The following NUMA1 variants were observed in gnomAD, a reference collection of about 807,000 sequenced individuals.
NUMA1 encodes the protein nuclear mitotic apparatus protein 1, also known as SP-H antigen.
NUMA1 carries 62 observed loss-of-function variants against 237.1 expected under a neutral mutation model. The observed-to-expected ratio is 0.26, with a 90% confidence interval of 0.21 to 0.32. NUMA1 has a LOEUF of 0.32. Among genes scored for constraint, NUMA1 ranks in the 10% least tolerant of loss-of-function variants. NUMA1 has a pLI of 1.00. For missense variants in NUMA1, 2,533 were observed against 2,666.5 expected (o/e 0.95, Z 1.10); for synonymous variants, 1,028 against 1,066.1 (o/e 0.96, Z 0.70).
rs1955553287 is a variant in NUMA1 at position 72,004,623 on chromosome 11, G to A, written c.6006+17C>T. 6.2e-7 allele frequency: 1 copy of A among 1,609,394 alleles called. No individual in the cohort carries two copies. Among genetic ancestry groups the A allele is most frequent in the African/African-American group, 1.3e-5 (1 of 74,876 alleles). On this transcript the variant is annotated intron_variant, in intron 24 of 26. Coordinates refer to ENST00000393695, the MANE Select transcript of NUMA1 (RefSeq NM_006185.4). ...GAGCACAGTGCTGGAGTAACACCCA[G>A]GAGCCACCGCGCCTACCTCAGGAGT...
chr11:72,056,167 T>TA (rs1214275550), intron 2 of NUMA1, among the ~76,000 whole-genome samples: 4 of 149,562 alleles, frequency 2.7e-5, no homozygotes, highest in East Asian at 2.0e-4. Flanking sequence ...CAACAACAAA[T>TA]AAAAAAAAAT....
chr11:72,051,821 A>G (rs1218142552), intron 2 of NUMA1, among the ~76,000 whole-genome samples: 1 of 152,204 alleles, frequency 6.6e-6, no homozygotes, highest in Admixed American at 6.5e-5. Context: ...GAAGAGACAC[A>G]TCTGTAACCA....
chr11:72,049,902 A>G (rs1427185273), intron 2 of NUMA1, among the ~76,000 whole-genome samples: 1 of 151,910 alleles, frequency 6.6e-6, no homozygotes, highest in Non-Finnish European at 1.5e-5. Context: ...TCAACAACAA[A>G]TCTTGTAGTA....
At chr11:72,044,667 C>CTTTTTTTT (rs1196162358) in intron 2 of NUMA1, among the ~76,000 whole-genome samples, 2 of 125,586 alleles carry the variant, frequency 1.6e-5, no homozygotes, top group Non-Finnish European at 1.7e-5. Flanking sequence ...TGTATGTTTG[C>CTTTTTTTT]TTTTTTTTTT....
At chr11:72,012,068 A>G (rs1278501909) in intron 16 of NUMA1, among the ~76,000 whole-genome samples, 4 of 152,218 alleles carry the variant, frequency 2.6e-5, no homozygotes, top group African/African-American at 2.4e-5. Flanking sequence ...AACTAGACAC[A>G]GTACTTGGGA....
intron 1 of NUMA1, among the ~76,000 whole-genome samples, chr11:72,071,784 G>A (rs889412540): frequency 6.6e-6 from 1 of 152,034 alleles, no homozygotes; most frequent in African/African-American, 2.4e-5. Flanking sequence ...CAGCAAATTT[G>A]GCAAAATGTT....
At chr11:72,060,667 A>C (rs1565286589) in intron 2 of NUMA1, among the ~76,000 whole-genome samples, 1 of 152,048 alleles carries the variant, frequency 6.6e-6, no homozygotes, top group African/African-American at 2.4e-5. Flanking sequence ...CACACACACA[A>C]AAAAAACAAG....
chr11:72,007,259 A>C lies in NUMA1; in HGVS notation c.5393T>G (p.Leu1798Arg). Residue 1798 changes from leucine (L) to arginine (R), a missense_variant, in exon 21 of 27, where the codon CTG becomes CGG. Leu to Arg is a moderately radical substitution (Grantham distance 102). Coordinates refer to ENST00000393695, the MANE Select transcript of NUMA1 (RefSeq NM_006185.4). ...GGAGCGGGTCTTACGACCCGAGTCC[A>C]GGAAGACGTCTCCCAGGGAGTCCAG... ...SSLDSLGDVF[L>R]DSGRKTRSAR... 3.7e-6 allele frequency: 6 copies of C among 1,612,836 alleles called. No homozygotes were observed. Among genetic ancestry groups the C allele is most frequent in the Non-Finnish European group, 5.1e-6 (6 of 1,179,494 alleles).
chr11:72,004,530 AAG>A (rs1468520118), intron 24 of NUMA1, 108 bp downstream of exon 24: 12 of 1,284,070 alleles, frequency 9.3e-6, no homozygotes, highest in Admixed American at 2.2e-5. Context: ...GAGAGAGGGA[AAG>A]AGAGGGGGAA....
At chr11:72,007,499 T>C in intron 20 of NUMA1, 64 bp from the exon 21 acceptor site, 4 of 1,580,690 alleles carry the variant, frequency 2.5e-6, no homozygotes, top group Non-Finnish European at 3.4e-6. Context: ...TCCAGCCCTT[T>C]TTGAAAGTGA....
intron 2 of NUMA1, chr11:72,065,796 G>A (rs1468182216): frequency 6.6e-6 from 1 of 152,194 alleles, no homozygotes; most frequent in Non-Finnish European, 1.5e-5. Flanking sequence ...TAATGTATAT[G>A]CCTAAGAAAA....
In NUMA1 at chr11:72,014,509, C is replaced by T; in HGVS notation, c.2994G>A (p.Glu998=). 2 of 1,601,862 alleles carry T rather than the reference C, an allele frequency of 1.2e-6. No homozygotes were observed. The highest frequency in any genetic ancestry group is 1.1e-5 in the South Asian group (1 of 91,076). ...LMESQGQQQE[E]RGQQEREVAR... ...CCACCTCCCTTTCCTGCTGCCCACG[C>T]TCCTCCTGCTGCTGCCCCTGGCTCT... The change falls in exon 15 of 27, where the codon GAG becomes GAA. Residue 998 remains glutamate, a synonymous_variant. Coordinates refer to ENST00000393695, the MANE Select transcript of NUMA1 (RefSeq NM_006185.4). The surrounding 1 kb of genome is among the most constrained non-coding windows in gnomAD (Gnocchi z 4.6).
At chr11:72,022,075 A>G (rs1590943615) in intron 7 of NUMA1, 2 of 323,488 alleles carry the variant, frequency 6.2e-6, no homozygotes, top group Non-Finnish European at 1.1e-5. Flanking sequence ...CCTAAAACAC[A>G]TTACAGTTAA....
intron 9 of NUMA1, 77 bp downstream of exon 9, chr11:72,019,417 T>G: frequency 1.9e-6 from 3 of 1,564,130 alleles, no homozygotes; most frequent in Non-Finnish European, 2.6e-6. Context: ...GGTTAACATC[T>G]TAACTCTAGA....
Position 72,003,415 on chromosome 11 carries a change from G to T in NUMA1, c.*112C>A. ...CAGGCATCACTGTCTCTAGGGGTTTGGCTACTGTTGGCCTGGGAGCTGAGA... is the reference window on the plus strand; with the variant it reads ...CAGGCATCACTGTCTCTAGGGGTTTTGCTACTGTTGGCCTGGGAGCTGAGA... On this transcript the variant is annotated 3_prime_UTR_variant, in exon 27 of 27. Coordinates refer to ENST00000393695, the MANE Select transcript of NUMA1 (RefSeq NM_006185.4). 2 of 1,045,954 alleles carry T rather than the reference G, an allele frequency of 1.9e-6. No individual in the cohort carries two copies. The highest frequency in any genetic ancestry group is 1.3e-5 in the South Asian group (1 of 78,448). The allele number at this position is 1,045,954 out of a possible 1,614,324, so 64.8% of individuals were successfully genotyped here.
At chr11:72,057,475 G>A (rs1173153003) in intron 2 of NUMA1, among the ~76,000 whole-genome samples, 1 of 152,218 alleles carries the variant, frequency 6.6e-6, no homozygotes, top group African/African-American at 2.4e-5. Context: ...TGGGCGAGGT[G>A]GCTCATGCCT....
At chr11:72,057,797 C>T (rs957880826) in intron 2 of NUMA1, among the ~76,000 whole-genome samples, 10 of 139,090 alleles carry the variant, frequency 7.2e-5, no homozygotes, top group Middle Eastern at 4.5e-3. Context: ...AAGCTGGGTG[C>T]GGTGGCTCAC....
rs1215707280 is a variant in NUMA1 at position 72,016,197 on chromosome 11, C to T, written c.1306G>A (p.Val436Ile). ...CCTCGCTCAGTCTCCAGCATCTCTA[C>T]CCTGGCTTGGAGCTGTGTGTTGTTT... is the stretch of plus-strand genomic sequence containing the variant. ...AANNTQLQAR[V>I]EMLETERGQQ... is the part of the protein sequence containing the mutation. The change falls in exon 15 of 27, where the codon GTA becomes ATA. Residue 436 changes from valine to isoleucine, a missense_variant. Coordinates refer to ENST00000393695, the MANE Select transcript of NUMA1 (RefSeq NM_006185.4). 9 of 1,611,284 alleles carry T rather than the reference C, an allele frequency of 5.6e-6. No homozygotes were observed. Among genetic ancestry groups the T allele is most frequent in the Non-Finnish European group, 7.6e-6 (9 of 1,177,944 alleles).
chr11:72,051,471 A>T (rs1014704412), intron 2 of NUMA1, among the ~76,000 whole-genome samples: 3 of 142,614 alleles, frequency 2.1e-5, no homozygotes, highest in African/African-American at 5.2e-5. Flanking sequence ...GAATTCAAAG[A>T]TTTTTTTTTT....
Sources: gnomAD v4.1 joint callset for allele counts (sites outside exome capture counted in the v4.1 genomes callset) on GRCh38, gnomAD v4.1.1 for gene constraint, Gnocchi (gnomAD v3.1) non-coding constraint, MANE v1.5 for transcripts, NCBI Gene and HGNC (gene_info 2026-07-23, HGNC 2026-07-21) for gene names.